The following GSG1L variants were observed in gnomAD, a reference collection of about 807,000 sequenced individuals.
GSG1L encodes the protein germ cell-specific gene 1-like protein.
GSG1L carries 24 observed loss-of-function variants against 42.1 expected under a neutral mutation model. That is an observed-to-expected ratio of 0.57 (90% confidence interval 0.41 to 0.80). The LOEUF (loss-of-function observed/expected upper bound fraction) is 0.80. Among genes scored for constraint, GSG1L ranks in the 30% least tolerant of loss-of-function variants. The pLI is 0.00. For missense variants in GSG1L, 445 were observed against 472.2 expected (o/e 0.94, Z 0.53); for synonymous variants, 215 against 203.5 (o/e 1.06, Z -0.48).
At chr16:27,986,580 TAA>T (rs1412744107) in intron 1 of GSG1L, among the ~76,000 whole-genome samples, 13 of 151,426 alleles carry the variant, frequency 8.6e-5, no homozygotes, top group Non-Finnish European at 1.3e-4. Context: ...GACAAAGGGA[TAA>T]GACTCCTGCA....
intron 4 of GSG1L, 47 bp downstream of exon 4, chr16:27,844,903 T>C (rs1186600956): frequency 2.5e-6 from 2 of 806,134 alleles, no homozygotes; most frequent in Non-Finnish European, 3.7e-6. Flanking sequence ...CCAGCGTGCC[T>C]TGGGCCCTGG....
At chr16:27,821,637 A>G (rs1359832601) in intron 5 of GSG1L, among the ~76,000 whole-genome samples, 1 of 152,160 alleles carries the variant, frequency 6.6e-6, no homozygotes, top group African/African-American at 2.4e-5. Context: ...GCGGTGGCTC[A>G]CACCTGTAAT....
intron 3 of GSG1L, among the ~76,000 whole-genome samples, chr16:27,856,560 C>A (rs768735646): frequency 5.9e-5 from 9 of 152,256 alleles, no homozygotes; most frequent in African/African-American, 9.6e-5. Context: ...AGTGATCCCA[C>A]CTCAGCCTCT....
At chr16:28,014,429 T>C (rs548473941) in intron 1 of GSG1L, among the ~76,000 whole-genome samples, 1 of 152,134 alleles carries the variant, frequency 6.6e-6, no homozygotes, top group South Asian at 2.1e-4. Context: ...CGGTTGATAA[T>C]AGAGAAAACA....
chr16:27,946,690 A>AAG (rs1567530208), intron 2 of GSG1L, among the ~76,000 whole-genome samples: 1 of 145,112 alleles, frequency 6.9e-6, no homozygotes, highest in East Asian at 2.0e-4. Context: ...GAAAGAAAGA[A>AAG]AGAATTAAAT....
intron 1 of GSG1L, among the ~76,000 whole-genome samples, chr16:27,980,498 G>A (rs550478222): frequency 6.6e-6 from 1 of 152,288 alleles, no homozygotes; most frequent in South Asian, 2.1e-4. Context: ...GCCTACCAAC[G>A]TGTGTTCTAA....
At chr16:27,852,806 G>T (rs60232175) in intron 3 of GSG1L, among the ~76,000 whole-genome samples, 16 of 152,296 alleles carry the variant, frequency 1.1e-4, no homozygotes, top group Admixed American at 7.2e-4. Context: ...GAGAACAGGC[G>T]AGAGGAGCAG....
intron 1 of GSG1L, among the ~76,000 whole-genome samples, chr16:28,050,399 C>A (rs180692749): frequency 5.9e-5 from 9 of 152,270 alleles, no homozygotes; most frequent in Admixed American, 5.9e-4. Flanking sequence ...CTCCTCACCT[C>A]AAGCAATCCT....
intron 1 of GSG1L, among the ~76,000 whole-genome samples, chr16:28,024,478 CA>C (rs974828979): frequency 2.0e-5 from 3 of 152,270 alleles, no homozygotes; most frequent in African/African-American, 7.2e-5. Flanking sequence ...TAGGAAGCTA[CA>C]AAATACAATA....
At position 28,010,642 on chromosome 16, in the gene GSG1L, T is replaced by C. The variant is rs1171513550; in HGVS notation, c.350-47439A>G. 2.0e-5 allele frequency among the ~76,000 whole-genome samples: 3 copies of C among 152,110 alleles called. No homozygotes were observed. The East Asian group carries it at 5.8e-4, about 29-fold the overall frequency. ...TTGCTCCCCAGCTCCAGTAAACTCA[T>C]TCACATCTGCCTCTGACAGGAGAAG... On this transcript the variant is annotated intron_variant, in intron 1 of 6. Transcript: ENST00000447459.
rs146987501 is a variant in GSG1L at position 27,884,532 on chromosome 16, G to A, written c.504C>T (p.Asp168=). The A allele has an allele frequency of 8.2e-5, 132 of 1,613,896 alleles. No individual in the cohort carries two copies. The African/African-American group carries it at 1.5e-3, about 18-fold the overall frequency. Residue 168 remains aspartate (D), a synonymous_variant, in exon 3 of 7, where the codon GAC becomes GAT. Coordinates refer to ENST00000447459, the MANE Select transcript of GSG1L (RefSeq NM_001109763.2). The surrounding 1 kb of genome is among the most constrained non-coding windows in gnomAD (Gnocchi z 4.4). The stretch of plus-strand genomic sequence containing the variant: ...CCGCGAAGGCATTGAGCTTGAGCCC[G>A]TCGATGACATTGCTGGAGTGGAAGA... ...LELFHSSNVI[D]GLKLNAFAAV...
intron 3 of GSG1L, among the ~76,000 whole-genome samples, chr16:27,854,703 G>A (rs1230496824): frequency 6.6e-6 from 1 of 152,148 alleles, no homozygotes; most frequent in African/African-American, 2.4e-5. Context: ...GTTCATCTGT[G>A]TCCACTTGTG....
chr16:27,962,399 C>G (rs2085081518), intron 2 of GSG1L, among the ~76,000 whole-genome samples: 1 of 152,228 alleles, frequency 6.6e-6, no homozygotes, highest in Admixed American at 6.5e-5. Context: ...AGCTGGTGCT[C>G]TGGCAGCCAT....
chr16:28,012,354 A>G (rs778946116), intron 1 of GSG1L, among the ~76,000 whole-genome samples: 3 of 152,212 alleles, frequency 2.0e-5, no homozygotes, highest in Non-Finnish European at 2.9e-5. Flanking sequence ...CAAAATCCCA[A>G]TGCTGAAACT....
chr16:28,028,747 C>T (rs1261857512), intron 1 of GSG1L, among the ~76,000 whole-genome samples: 1 of 152,180 alleles, frequency 6.6e-6, no homozygotes, highest in African/African-American at 2.4e-5. Context: ...AGAGAGCCAG[C>T]CTCAGGCTCG....
intron 2 of GSG1L, among the ~76,000 whole-genome samples, chr16:27,942,147 C>CT (rs34617355): frequency 0.18 from 20,629 of 115,980 alleles, 2,293 homozygotes; most frequent in Middle Eastern, 0.24. Flanking sequence ...AAAACTTCTT[C>CT]TTTTTTTTTT....
intron 1 of GSG1L, among the ~76,000 whole-genome samples, chr16:28,058,295 C>T (rs529910501): frequency 6.7e-4 from 102 of 152,318 alleles, no homozygotes; most frequent in African/African-American, 2.2e-3. Context: ...AGAGCAACCA[C>T]GGCACCCACC....
At chr16:28,039,859 CT>C (rs1167098618) in intron 1 of GSG1L, among the ~76,000 whole-genome samples, 1 of 152,156 alleles carries the variant, frequency 6.6e-6, no homozygotes, top group Non-Finnish European at 1.5e-5. Context: ...GGCTTCTTTC[CT>C]TGGTCAACAG....
intron 1 of GSG1L, among the ~76,000 whole-genome samples, chr16:28,060,720 C>T (rs1402037778): frequency 1.3e-5 from 2 of 152,100 alleles, no homozygotes; most frequent in Admixed American, 6.6e-5. Flanking sequence ...AGTTCCTCAT[C>T]TGAAAAAGCA....
Sources: allele counts gnomAD v4.1 joint callset (sites outside exome capture counted in the v4.1 genomes callset), GRCh38; gene constraint gnomAD v4.1.1; non-coding constraint Gnocchi (gnomAD v3.1); transcripts MANE v1.5; gene names NCBI Gene and HGNC (gene_info 2026-07-23, HGNC 2026-07-21).